Variants in RTEL1 observed in about 807,000 individuals in gnomAD.
RTEL1 encodes the protein regulator of telomere elongation helicase 1.
RTEL1 carries 86 observed loss-of-function variants against 162.2 expected under a neutral mutation model. The ratio of observed to expected loss-of-function variants is 0.53; its 90% CI spans 0.45 to 0.63. RTEL1 has a LOEUF of 0.63. Among genes scored for constraint, RTEL1 ranks in the 30% least tolerant of loss-of-function variants. The pLI is 0.00. For missense variants in RTEL1, 1,941 were observed against 1,750.2 expected (o/e 1.11, Z -1.95); for synonymous variants, 958 against 717.9 (o/e 1.33, Z -5.35).
intron 10 of RTEL1, among the ~76,000 whole-genome samples, chr20:63,675,127 A>G (rs937860140): frequency 6.6e-6 from 1 of 151,444 alleles, no homozygotes; most frequent in Non-Finnish European, 1.5e-5. Context: ...CTGGTCTCGA[A>G]CTCCTGACCT....
intron 14 of RTEL1, among the ~76,000 whole-genome samples, chr20:63,683,509 TACGCACAC>T (rs2090520926): frequency 6.6e-6 from 1 of 152,126 alleles, no homozygotes; most frequent in African/African-American, 2.4e-5. Flanking sequence ...GCATGCAGAG[TACGCACAC>T]ACGCACGCAC....
rs1246983565 is a variant in RTEL1 at position 63,694,532 on chromosome 20, C to A, written c.3109+44C>A. 3 of 1,464,978 alleles carry A rather than the reference C, an allele frequency of 2.0e-6. No individual in the cohort carries two copies. In the Admixed American group the frequency reaches 5.5e-5, roughly 27 times the overall value. The allele number at this position is 1,464,978 out of a possible 1,614,324, so 90.7% of individuals were successfully genotyped here. ...GTGTGCAGCCTACGACTTGGTGGGTCCCTCAGTGGCTTCACGAGGCTAACT... is the reference window on the plus strand; with the variant it reads ...GTGTGCAGCCTACGACTTGGTGGGTACCTCAGTGGCTTCACGAGGCTAACT... On this transcript the variant is annotated intron_variant, in intron 31 of 34. Coordinates refer to ENST00000360203, the MANE Select transcript of RTEL1 (RefSeq NM_001283009.2).
chr20:63,667,030 G>A (rs368659641), intron 7 of RTEL1, among the ~76,000 whole-genome samples: 50 of 150,796 alleles, frequency 3.3e-4, no homozygotes, highest in East Asian at 5.9e-4. Flanking sequence ...TAGTAGAGAC[G>A]GGGTTTCACC....
chr20:63,690,467 C>T (rs556486301), intron 26 of RTEL1, 26 bp downstream of exon 26: 33 of 588,050 alleles, frequency 5.6e-5, no homozygotes, highest in South Asian at 1.7e-4. Context: ...GCTGGGTGGG[C>T]GGTGTGGGGG....
chr20:63,688,280 C>T, intron 19 of RTEL1, 21 bp from the exon 20 acceptor site: 4 of 1,610,968 alleles, frequency 2.5e-6, no homozygotes, highest in South Asian at 1.1e-5. Flanking sequence ...CCTGCCTTGA[C>T]CCCGGCCCCT....
At chr20:63,662,364 C>A in intron 4 of RTEL1, 182 bp from the exon 5 acceptor site, 1 of 1,242,704 alleles carries the variant, frequency 8.0e-7, no homozygotes. Context: ...CGAATCTCCT[C>A]CCTCTGTCCA....
In RTEL1 at chr20:63,695,609, G is replaced by A. The variant is rs372295841; in HGVS notation, c.3781G>A (p.Asp1261Asn). 1 of 1,611,738 alleles carries A rather than the reference G, an allele frequency of 6.2e-7. No individual in the cohort carries two copies. Among genetic ancestry groups the A allele is most frequent in the African/African-American group, 1.3e-5 (1 of 74,926 alleles). The stretch of plus-strand genomic sequence containing the variant: ...GGTGCCCTTCCAGTGCCCTGCCTGT[G>A]ACTTCCAGCGCTGCCAAGCCTGCTG... Reference protein sequence around the residue: ...DVVPFQCPACDFQRCQACWQR... With the variant: ...DVVPFQCPACNFQRCQACWQR... The change falls in exon 34 of 35, where the codon GAC (aspartate) becomes AAC (asparagine). Residue 1261 changes from aspartate to asparagine, a missense_variant. Asp to Asn is a conservative substitution (Grantham distance 23). Transcript: ENST00000360203.
At chr20:63,688,670 C>T in intron 21 of RTEL1, 65 bp downstream of exon 21, 3 of 1,469,746 alleles carry the variant, frequency 2.0e-6, no homozygotes, top group Admixed American at 3.9e-5. Flanking sequence ...CTCACAGCTT[C>T]CCCAAGGCTG....
chr20:63,676,271 CTTTA>C (rs1475656547), intron 10 of RTEL1, among the ~76,000 whole-genome samples: 2 of 152,072 alleles, frequency 1.3e-5, no homozygotes, highest in African/African-American at 4.8e-5. Context: ...TTTCCTCACA[CTTTA>C]TTTATTGAAG....
rs771478342 is a variant in RTEL1 at position 63,694,989 on chromosome 20, CGTG to C, written c.3343+17_3343+19del. 4.3e-6 allele frequency: 7 copies of C among 1,609,980 alleles called. No homozygotes were observed. The highest frequency in any genetic ancestry group is 4.5e-5 in the East Asian group (2 of 44,824). ...CCTGCTGCACAGCAAGTGGCCCTGG[CGTG>C]GGGAACAGCCGGTGGGGTGGGGGGC... On this transcript the variant is annotated intron_variant, in intron 32 of 34. Transcript: ENST00000360203.
chr20:63,693,134 C>T lies in RTEL1; in HGVS notation c.2852-9C>T, dbSNP rs375886371. 4.3e-6 allele frequency: 7 copies of T among 1,612,246 alleles called. No individual in the cohort carries two copies. The highest frequency in any genetic ancestry group is 1.7e-4 in the Middle Eastern group (1 of 6,056). On this transcript the variant is annotated splice_polypyrimidine_tract_variant and intron_variant, in intron 29 of 34. Transcript: ENST00000360203. ...GGGCAGATGGGGACAGACGCCCCTT[C>T]CTCTACAGGCTTCTACCAGTTTGTG...
intron 6 of RTEL1, chr20:63,665,100 G>A (rs1434171926): frequency 6.5e-6 from 1 of 153,878 alleles, no homozygotes; most frequent in East Asian, 1.9e-4. Flanking sequence ...GTCATCGCTG[G>A]TGTGTGTGAG....
At chr20:63,665,554 T>C (rs2090109153) in intron 6 of RTEL1, among the ~76,000 whole-genome samples, 1 of 152,118 alleles carries the variant, frequency 6.6e-6, no homozygotes, top group African/African-American at 2.4e-5. Flanking sequence ...TCTGGGCCTG[T>C]TGTGGTTGGC....
chr20:63,694,281 G>A, intron 30 of RTEL1, 91 bp from the exon 31 acceptor site: 2 of 1,142,726 alleles, frequency 1.8e-6, no homozygotes, highest in South Asian at 1.3e-5. Context: ...GGTGGGTGAG[G>A]CCTGGCCTCC....
At chr20:63,694,698 C>A (rs1451996315) in intron 31 of RTEL1, 43 bp from the exon 32 acceptor site, 1 of 1,503,908 alleles carries the variant, frequency 6.6e-7, no homozygotes, top group South Asian at 1.2e-5. Flanking sequence ...ACTCTCAGTC[C>A]TCCACCCCAG....
Position 63,689,846 on chromosome 20 carries a change from G to A in RTEL1, c.2122G>A (p.Val708Ile), listed in dbSNP as rs1406023071. The A allele has an allele frequency of 6.2e-7, 1 of 1,609,956 alleles. No individual in the cohort carries two copies. The highest frequency in any genetic ancestry group is 8.5e-7 in the Non-Finnish European group (1 of 1,179,736). Residue 708 changes from valine to isoleucine, a missense_variant, in exon 24 of 35, where the codon GTC becomes ATC. Coordinates refer to ENST00000360203, the MANE Select transcript of RTEL1 (RefSeq NM_001283009.2). ...CCGGCACCGCCAGGACTACGGAGCT[G>A]TCTTCCTCTGTGACCACAGGTGCGT... ...VIRHRQDYGA[V>I]FLCDHRFAFA...
chr20:63,666,626 C>T (rs1227635669), intron 7 of RTEL1, among the ~76,000 whole-genome samples: 1 of 152,148 alleles, frequency 6.6e-6, no homozygotes, highest in Non-Finnish European at 1.5e-5. Context: ...GCCTCAGCCT[C>T]CCAGGCTCAA....
chr20:63,682,506 C>G (rs565962397), intron 14 of RTEL1: 4 of 985,640 alleles, frequency 4.1e-6, no homozygotes, highest in Non-Finnish European at 4.8e-6. Flanking sequence ...ACTCTGGAAC[C>G]GAATCCTGCA....
At chr20:63,675,502 TTATA>T (rs11468552) in intron 10 of RTEL1, among the ~76,000 whole-genome samples, 25,294 of 150,374 alleles carry the variant, frequency 0.17, 3,729 homozygotes, top group African/African-American at 0.4. Context: ...TAGAATCCCT[TTATA>T]TATATATATA....
Sources: allele counts gnomAD v4.1 joint callset (sites outside exome capture counted in the v4.1 genomes callset), GRCh38; gene constraint gnomAD v4.1.1; transcripts MANE v1.5; gene names NCBI Gene and HGNC (gene_info 2026-07-23, HGNC 2026-07-21).